The following GJC1 variants were observed in gnomAD, a reference collection of about 807,000 sequenced individuals.
GJC1 encodes the protein gap junction protein gamma 1, also known as gap junction gamma-1 protein.
GJC1 carries 5 observed loss-of-function variants against 29.3 expected under a neutral mutation model. That is an observed-to-expected ratio of 0.17 (90% CI 0.09 to 0.36). The LOEUF is 0.36. GJC1 is among the 10% of genes least tolerant of loss of function. The pLI, the probability that GJC1 is intolerant of heterozygous loss-of-function variation, is 1.00. For missense variants in GJC1, 310 were observed against 496.2 expected, an observed-to-expected ratio of 0.62 and a Z score of 3.56; for synonymous variants, 177 against 183.3, an observed-to-expected ratio of 0.97 and a Z score of 0.28.
chr17:44,820,347 C>T (rs1309060535), intron 1 of GJC1, among the ~76,000 whole-genome samples: 1 of 152,146 alleles, frequency 6.6e-6, no homozygotes, highest in Non-Finnish European at 1.5e-5. Context: ...GAATATAATC[C>T]ATGCACTTCA....
intron 1 of GJC1, among the ~76,000 whole-genome samples, chr17:44,816,985 C>T (rs552592338): frequency 2.0e-5 from 3 of 151,922 alleles, no homozygotes; most frequent in Non-Finnish European, 4.4e-5. Flanking sequence ...CCAAGGCGGG[C>T]GGATCACCTG....
chr17:44,827,436 A>G (rs2081240608), intron 1 of GJC1, among the ~76,000 whole-genome samples: 1 of 152,220 alleles, frequency 6.6e-6, no homozygotes, highest in Non-Finnish European at 1.5e-5. Context: ...ACTACAAGAA[A>G]AGCATAAGTT....
chr17:44,825,173 ACT>A (rs1421247013), intron 1 of GJC1, among the ~76,000 whole-genome samples: 1 of 122,772 alleles, frequency 8.1e-6, no homozygotes, highest in Non-Finnish European at 1.6e-5. Flanking sequence ...ACAGAACAAG[ACT>A]CTGTCTCAAT....
At chr17:44,828,687 C>T (rs891847467) in intron 1 of GJC1, among the ~76,000 whole-genome samples, 18 of 152,122 alleles carry the variant, frequency 1.2e-4, no homozygotes, top group African/African-American at 4.3e-4. Flanking sequence ...TGATACAACT[C>T]TATGCTAAGT....
intron 1 of GJC1, among the ~76,000 whole-genome samples, chr17:44,821,601 G>A (rs2050106132): frequency 6.8e-6 from 1 of 147,084 alleles, no homozygotes; most frequent in African/African-American, 2.5e-5. Context: ...GGAGGCTGAT[G>A]CAGGAGAATC....
intron 1 of GJC1, among the ~76,000 whole-genome samples, chr17:44,811,333 C>T (rs377302136): frequency 2.6e-5 from 4 of 151,918 alleles, no homozygotes; most frequent in Admixed American, 1.3e-4. Flanking sequence ...CCACCCACCT[C>T]GGCCTCCCAA....
chr17:44,812,386 T>C (rs1052121066), intron 1 of GJC1, among the ~76,000 whole-genome samples: 1 of 152,168 alleles, frequency 6.6e-6, no homozygotes, highest in African/African-American at 2.4e-5. Context: ...TTTATGCCTA[T>C]TGTTCCATTA....
chr17:44,807,911 T>G (rs1193337990), intron 1 of GJC1: 2 of 152,146 alleles, frequency 1.3e-5, no homozygotes, highest in Non-Finnish European at 2.9e-5. Flanking sequence ...GCAAGCTGTT[T>G]AGCTAAAACA....
intron 1 of GJC1, among the ~76,000 whole-genome samples, chr17:44,824,588 A>C (rs575068068): frequency 1.3e-5 from 2 of 152,154 alleles, no homozygotes; most frequent in South Asian, 4.1e-4. Context: ...CATGTGTGCC[A>C]CTGCACTCCA....
At chr17:44,828,339 G>A (rs565493903) in intron 1 of GJC1, among the ~76,000 whole-genome samples, 1 of 152,180 alleles carries the variant, frequency 6.6e-6, no homozygotes. Flanking sequence ...CTTTTTAAGA[G>A]AACTGTTTCT....
intron 1 of GJC1, among the ~76,000 whole-genome samples, chr17:44,824,257 C>T (rs1485085196): frequency 6.6e-6 from 1 of 152,106 alleles, no homozygotes; most frequent in Non-Finnish European, 1.5e-5. Flanking sequence ...CTGCCTGCCT[C>T]GGCCTACCAA....
chr17:44,819,508 A>C (rs1300585013), intron 1 of GJC1, among the ~76,000 whole-genome samples: 1 of 151,788 alleles, frequency 6.6e-6, no homozygotes, highest in African/African-American at 2.4e-5. Context: ...AATACAAAAA[A>C]TTAGTCGGGT....
downstream of GJC1, among the ~76,000 whole-genome samples, chr17:44,797,199 G>A (rs540260981): frequency 3.4e-4 from 52 of 152,062 alleles, no homozygotes; most frequent in African/African-American, 9.6e-4. Flanking sequence ...TTCGCCTCCC[G>A]GGTTCACGCC....
At chr17:44,829,647 G>C (rs1404743028) in intron 1 of GJC1, 2 of 152,056 alleles carry the variant, frequency 1.3e-5, no homozygotes, top group Non-Finnish European at 2.9e-5. Flanking sequence ...CGGGCGGCGA[G>C]GGGCGGCCCG....
chr17:44,815,600 AT>A (rs1376686252), intron 1 of GJC1, among the ~76,000 whole-genome samples: 1 of 151,912 alleles, frequency 6.6e-6, no homozygotes, highest in Non-Finnish European at 1.5e-5. Context: ...AATCATGTCA[AT>A]TTTCATGTTT....
At chr17:44,825,774 CA>C (rs1455341020) in intron 1 of GJC1, among the ~76,000 whole-genome samples, 2 of 114,578 alleles carry the variant, frequency 1.7e-5, no homozygotes, top group Non-Finnish European at 3.7e-5. Flanking sequence ...GACTCAGTCT[CA>C]AAAGAAAAAA....
At chr17:44,825,092 G>A (rs187049640) in intron 1 of GJC1, among the ~76,000 whole-genome samples, 1,811 of 145,762 alleles carry the variant, frequency 0.012, 40 homozygotes, top group African/African-American at 0.043. Context: ...GTGTGGGCCT[G>A]TGGTCCCAGC....
chr17:44,816,164 A>G (rs995480612), intron 1 of GJC1, among the ~76,000 whole-genome samples: 1 of 149,378 alleles, frequency 6.7e-6, no homozygotes, highest in Non-Finnish European at 1.5e-5. Flanking sequence ...AACGGCTTCT[A>G]TTTTAAAAGA....
chr17:44,818,723 A>G (rs2050071324), intron 1 of GJC1, among the ~76,000 whole-genome samples: 1 of 152,132 alleles, frequency 6.6e-6, no homozygotes, highest in Non-Finnish European at 1.5e-5. Context: ...TCAACCCGGA[A>G]GGCAGAGGTT....
Sources: allele counts gnomAD v4.1 joint callset (sites outside exome capture counted in the v4.1 genomes callset), GRCh38; gene constraint gnomAD v4.1.1; transcripts MANE v1.5; gene names NCBI Gene and HGNC (gene_info 2026-07-23, HGNC 2026-07-21).